BLTP3A: variants seen among roughly 807,000 people sequenced by gnomAD.
The protein encoded by BLTP3A is ICBP90 binding protein 1.
the BLTP3A span, chr6:34,835,503 C>A: frequency 1.3e-6 from 2 of 1,589,908 alleles, no homozygotes; most frequent in Middle Eastern, 1.8e-4. Context: ...GGGCTAGGGA[C>A]TCAGTAGGCC....
chr6:34,834,600 G>C, the BLTP3A span: 1 of 1,406,546 alleles, frequency 7.1e-7, no homozygotes, highest in Non-Finnish European at 9.7e-7. Context: ...GCTTTTTCTT[G>C]GTGGGATCCC....
At chr6:34,798,057 G>A in the BLTP3A span, among the ~76,000 whole-genome samples, 5 of 152,166 alleles carry the variant, frequency 3.3e-5, no homozygotes, top group Non-Finnish European at 7.4e-5. Context: ...ACCCTGCCCT[G>A]TGTCTCCTTC....
the BLTP3A span, chr6:34,863,890 A>G: frequency 9.6e-7 from 1 of 1,041,468 alleles, no homozygotes. Flanking sequence ...TGTTCCTAAT[A>G]TTGGGAACTT....
chr6:34,864,259 T>A, the BLTP3A span: 2 of 1,461,314 alleles, frequency 1.4e-6, no homozygotes, highest in South Asian at 1.3e-5. Context: ...CTCTGCTGCC[T>A]GTATCAGACT....
chr6:34,866,575 G>T, the BLTP3A span, among the ~76,000 whole-genome samples: 4 of 151,920 alleles, frequency 2.6e-5, no homozygotes, highest in Non-Finnish European at 5.9e-5. Flanking sequence ...TTTTTAAATT[G>T]TGGTAAAATA....
chr6:34,814,276 A>T, the BLTP3A span, among the ~76,000 whole-genome samples: 2 of 152,112 alleles, frequency 1.3e-5, no homozygotes, highest in Non-Finnish European at 2.9e-5. Context: ...TGGCCTCCCA[A>T]ACTACTGGGA....
chr6:34,858,585 T>C, the BLTP3A span: 1 of 1,614,138 alleles, frequency 6.2e-7, no homozygotes, highest in South Asian at 1.1e-5. Context: ...GGAAGCTTCT[T>C]TTGGCCTCAG....
At chr6:34,827,137 C>T in the BLTP3A span, among the ~76,000 whole-genome samples, 8 of 152,064 alleles carry the variant, frequency 5.3e-5, no homozygotes, top group East Asian at 1.5e-3. Context: ...ATAGCGAAAC[C>T]CCATCTCTAC....
At chr6:34,823,311 A>G in the BLTP3A span, 12 of 1,614,116 alleles carry the variant, frequency 7.4e-6, no homozygotes, top group East Asian at 1.8e-4. Context: ...TCGGCCCCCC[A>G]ATGGACAGTC....
the BLTP3A span, among the ~76,000 whole-genome samples, chr6:34,809,662 T>G: frequency 3.9e-5 from 6 of 151,910 alleles, no homozygotes; most frequent in Non-Finnish European, 7.4e-5. Context: ...GCCTCCCGGG[T>G]TCAAGCGATT....
chr6:34,823,047 A>G, the BLTP3A span, among the ~76,000 whole-genome samples: 8 of 152,104 alleles, frequency 5.3e-5, no homozygotes, highest in African/African-American at 1.9e-4. Context: ...TTCTGCTGCT[A>G]ATGGAAATGG....
the BLTP3A span, among the ~76,000 whole-genome samples, chr6:34,833,151 A>G: frequency 1.3e-5 from 2 of 152,266 alleles, no homozygotes; most frequent in African/African-American, 4.8e-5. Flanking sequence ...ATTTTTTTCA[A>G]CCAAATGCAG....
chr6:34,847,131 C>T, the BLTP3A span, among the ~76,000 whole-genome samples: 1 of 151,994 alleles, frequency 6.6e-6, no homozygotes, highest in East Asian at 1.9e-4. Context: ...GATATATGGT[C>T]TCTTTAATGT....
chr6:34,858,035 C>T, the BLTP3A span: 1 of 1,560,236 alleles, frequency 6.4e-7, no homozygotes, highest in East Asian at 2.3e-5. Flanking sequence ...AGTTTCACAG[C>T]CCAAAGGATC....
the BLTP3A span, among the ~76,000 whole-genome samples, chr6:34,811,686 G>GC: frequency 1.1e-5 from 1 of 90,856 alleles, no homozygotes; most frequent in African/African-American, 5.0e-5. Flanking sequence ...CCCCCCCCCC[G>GC]CATCTCTACT....
chr6:34,872,692 G>T, the BLTP3A span: 1 of 321,484 alleles, frequency 3.1e-6, no homozygotes, highest in African/African-American at 2.1e-5. Flanking sequence ...TGTCTTGCCT[G>T]TATAAAGCCT....
the BLTP3A span, among the ~76,000 whole-genome samples, chr6:34,860,361 A>G: frequency 6.6e-6 from 1 of 152,172 alleles, no homozygotes; most frequent in African/African-American, 2.4e-5. Flanking sequence ...GTTTTAGGAA[A>G]GATAGAGTCT....
chr6:34,822,448 A>T, the BLTP3A span, among the ~76,000 whole-genome samples: 1 of 152,106 alleles, frequency 6.6e-6, no homozygotes, highest in African/African-American at 2.4e-5. Context: ...CACGTTGGCT[A>T]GGCTGGTCTC....
chr6:34,822,049 G>A, the BLTP3A span: 1 of 1,468,386 alleles, frequency 6.8e-7, no homozygotes, highest in Admixed American at 1.7e-5. Context: ...AACCCTTTTA[G>A]GAATGGTGGG....
Sources: allele counts gnomAD v4.1 joint callset (sites outside exome capture counted in the v4.1 genomes callset), GRCh38; gene constraint gnomAD v4.1.1; transcripts MANE v1.5; gene names NCBI Gene and HGNC (gene_info 2026-07-23, HGNC 2026-07-21).